Variants in ABCC12 observed in about 807,000 individuals in gnomAD.
ABCC12 encodes the protein ATP-binding cassette sub-family C member 12.
In ABCC12, 142 loss-of-function variants were observed where a neutral mutation model predicts 151.1. That is an observed-to-expected ratio of 0.94 (90% CI 0.82 to 1.08). The LOEUF (loss-of-function observed/expected upper bound fraction) is 1.08, where lower values mean the gene tolerates loss of function less well. Ranked by LOEUF, ABCC12 falls within the 50% of genes least tolerant of loss-of-function variation. The pLI, the probability that ABCC12 is intolerant of heterozygous loss-of-function variation, is 0.00. For synonymous variants in ABCC12, 645 were observed against 646.4 expected, an observed-to-expected ratio of 1.00 and a Z score of 0.03; for missense variants, 1,638 against 1,691.1, an observed-to-expected ratio of 0.97 and a Z score of 0.55.
chr16:48,089,887 AT>A (rs1962805625), intron 25 of ABCC12, among the ~76,000 whole-genome samples: 1 of 152,242 alleles, frequency 6.6e-6, no homozygotes, highest in East Asian at 1.9e-4. Context: ...TGTTTATAGC[AT>A]TGATACTGTC....
At chr16:48,122,502 G>A (rs770399645) in intron 12 of ABCC12, among the ~76,000 whole-genome samples, 2 of 152,166 alleles carry the variant, frequency 1.3e-5, no homozygotes, top group African/African-American at 2.4e-5. Context: ...ACCCCTCATC[G>A]TGGGCATCCA....
chr16:48,091,204 G>T lies in ABCC12; in HGVS notation c.3201C>A (p.Ser1067Arg), dbSNP rs1316200069. The T allele has an allele frequency of 1.2e-6, 2 of 1,613,900 alleles. No homozygotes were observed. The highest frequency in any genetic ancestry group is 3.3e-5 in the Admixed American group (2 of 60,012). The change falls in exon 25 of 31, where the codon AGC (serine) becomes AGA (arginine). Residue 1067 changes from serine (S) to arginine (R), a missense_variant. Physicochemically the swap from Ser to Arg is moderately radical, Grantham distance 110 (BLOSUM62 -1). Coordinates refer to ENST00000311303, the MANE Select transcript of ABCC12 (RefSeq NM_001393797.1). Reference protein sequence around the residue: ...GLSLSYIIQLSGLLQVCVRTG... With the variant: ...GLSLSYIIQLRGLLQVCVRTG... ...TTCGCACACACACTTGGAGCAGTCC[G>T]CTCAGCTGTTGAAAAGGAGCGAGCA...
Position 48,140,668 on chromosome 16 carries a change from C to A in ABCC12, c.657+19G>T, listed in dbSNP as rs1241175694. 6.2e-7 allele frequency: 1 copy of A among 1,609,838 alleles called. No homozygotes were observed. The highest frequency in any genetic ancestry group is 2.2e-5 in the East Asian group (1 of 44,810). ...TCAGGGCCCATTTTCCAACATTAAA[C>A]TCCTCTGAGCCAGCTTACCTCGCCA... On this transcript the variant is annotated intron_variant, in intron 6 of 30. Transcript: ENST00000311303.
chr16:48,136,394 T>G (rs1330224896), intron 8 of ABCC12, among the ~76,000 whole-genome samples: 1 of 152,156 alleles, frequency 6.6e-6, no homozygotes, highest in Non-Finnish European at 1.5e-5. Flanking sequence ...TGCTCCCCCA[T>G]GGAGCATCTC....
At chr16:48,110,397 A>C (rs1963643720) in intron 18 of ABCC12, among the ~76,000 whole-genome samples, 1 of 151,910 alleles carries the variant, frequency 6.6e-6, no homozygotes, top group Admixed American at 6.6e-5. Flanking sequence ...AAATGTGCGA[A>C]GTTTTTTTTT....
chr16:48,146,535 G>T (rs1965010237), intron 2 of ABCC12, 61 bp from the exon 3 acceptor site: 3 of 840,144 alleles, frequency 3.6e-6, no homozygotes, highest in East Asian at 2.4e-5. Context: ...GGATCAGGCA[G>T]CCTCTACTTT....
chr16:48,104,424 G>A (rs987835413), intron 21 of ABCC12, 56 bp from the exon 22 acceptor site: 3 of 1,506,972 alleles, frequency 2.0e-6, no homozygotes, highest in African/African-American at 2.8e-5. Context: ...AGTAAACCCT[G>A]CTGCTCTGCT....
chr16:48,098,619 G>C (rs1963193110), intron 23 of ABCC12, among the ~76,000 whole-genome samples: 2 of 152,214 alleles, frequency 1.3e-5, no homozygotes, highest in South Asian at 4.1e-4. Flanking sequence ...TCCATGACCT[G>C]GAAGTCACCT....
chr16:48,136,228 G>C (rs750305288), intron 8 of ABCC12, among the ~76,000 whole-genome samples: 2 of 152,038 alleles, frequency 1.3e-5, no homozygotes, highest in Non-Finnish European at 2.9e-5. Context: ...GCACCCCCTA[G>C]TCCCCAAGAG....
chr16:48,101,579 C>T (rs1413473230), intron 22 of ABCC12, among the ~76,000 whole-genome samples: 2 of 151,996 alleles, frequency 1.3e-5, no homozygotes, highest in Non-Finnish European at 2.9e-5. Flanking sequence ...CAGCAGCTGG[C>T]TGGCCCCCGA....
chr16:48,116,502 G>C (rs916781888), intron 14 of ABCC12, among the ~76,000 whole-genome samples: 1 of 152,188 alleles, frequency 6.6e-6, no homozygotes, highest in Non-Finnish European at 1.5e-5. Flanking sequence ...GATGTCACAG[G>C]AGCAGAGACT....
chr16:48,111,964 C>A, intron 15 of ABCC12, 54 bp from the exon 16 acceptor site: 1 of 1,582,776 alleles, frequency 6.3e-7, no homozygotes, highest in Non-Finnish European at 8.6e-7. Context: ...AGAGCCCATG[C>A]CAAACTCCTC....
intron 8 of ABCC12, among the ~76,000 whole-genome samples, chr16:48,136,525 G>A (rs1360296935): frequency 3.9e-5 from 6 of 152,212 alleles, no homozygotes; most frequent in Admixed American, 3.9e-4. Flanking sequence ...CCTGTGTTTG[G>A]AGAATAGAGG....
intron 7 of ABCC12, 31 bp from the exon 8 acceptor site, chr16:48,138,406 A>G: frequency 6.3e-7 from 1 of 1,589,706 alleles, no homozygotes; most frequent in South Asian, 1.1e-5. Flanking sequence ...CTGTTTTCAG[A>G]GAGAAGTGCT....
At chr16:48,096,620 T>A in intron 24 of ABCC12, 126 bp downstream of exon 24, 5 of 986,014 alleles carry the variant, frequency 5.1e-6, no homozygotes, top group Non-Finnish European at 7.7e-6. Context: ...TGTGAGCCAC[T>A]AAGCTCCCTT....
chr16:48,139,436 G>C, intron 6 of ABCC12, 100 bp from the exon 7 acceptor site: 3 of 1,300,044 alleles, frequency 2.3e-6, no homozygotes. Flanking sequence ...AGGGAGAAAG[G>C]AGAAAAACTT....
At position 48,083,706 on chromosome 16, in the gene ABCC12, C is replaced by T; in HGVS notation, c.*9G>A. The T allele has an allele frequency of 6.2e-7, 1 of 1,614,072 alleles. No individual in the cohort carries two copies. Among genetic ancestry groups the T allele is most frequent in the Non-Finnish European group, 8.5e-7 (1 of 1,179,960 alleles). On this transcript the variant is annotated 3_prime_UTR_variant, in exon 31 of 31. Coordinates refer to ENST00000311303, the MANE Select transcript of ABCC12 (RefSeq NM_001393797.1). Reference sequence around the variant, plus strand: ...CCTCTTCCTCCTCTAGAATCAGCCGCCAGGACCTCTACAATCTGACTTCTG... The same window carrying T: ...CCTCTTCCTCCTCTAGAATCAGCCGTCAGGACCTCTACAATCTGACTTCTG...
At chr16:48,140,945 A>C (rs778886383) in intron 5 of ABCC12, 25 bp from the exon 6 acceptor site, 2 of 1,601,706 alleles carry the variant, frequency 1.2e-6, no homozygotes, top group South Asian at 2.2e-5. Flanking sequence ...GGTGGGGAGA[A>C]GAGAGGGCCA....
At position 48,082,652 on chromosome 16, in the gene ABCC12, T is replaced by C. The variant is rs1439256494; in HGVS notation, c.*1063A>G. On this transcript the variant is annotated 3_prime_UTR_variant, in exon 31 of 31. Coordinates refer to ENST00000311303, the MANE Select transcript of ABCC12 (RefSeq NM_001393797.1). ...GGGGGTTGTGGTCTGGAAGCTTTGC[T>C]GACCACACTGCCCTGAGCTACATTT... is the stretch of plus-strand genomic sequence containing the variant. 6.6e-6 allele frequency among the ~76,000 whole-genome samples: 1 copy of C among 152,192 alleles called. No individual in the cohort carries two copies. Among genetic ancestry groups the C allele is most frequent in the Non-Finnish European group, 1.5e-5 (1 of 68,034 alleles).
Sources: gnomAD v4.1 joint callset for allele counts (sites outside exome capture counted in the v4.1 genomes callset) on GRCh38, gnomAD v4.1.1 for gene constraint, MANE v1.5 for transcripts, NCBI Gene and HGNC (gene_info 2026-07-23, HGNC 2026-07-21) for gene names.